The following CALN1 variants were observed in gnomAD, a reference collection of about 807,000 sequenced individuals.
CALN1 encodes the protein calcium-binding protein 8.
CALN1 carries 17 observed loss-of-function variants against 30.6 expected under a neutral mutation model. That is an observed-to-expected ratio of 0.56 (90% CI 0.38 to 0.83). CALN1 has a LOEUF of 0.83. CALN1 is among the 40% of genes least tolerant of loss of function. CALN1 has a pLI of 0.00. For missense variants in CALN1, 291 were observed against 354.9 expected (o/e 0.82, Z 1.45); for synonymous variants, 156 against 131.4 (o/e 1.19, Z -1.28).
chr7:72,140,928 C>G (rs983203516), intron 3 of CALN1, among the ~76,000 whole-genome samples: 6 of 152,216 alleles, frequency 3.9e-5, no homozygotes, highest in African/African-American at 1.4e-4. Flanking sequence ...TGGTTCCCCA[C>G]CTGGGAGGAG....
chr7:72,297,583 A>C (rs1445802537), intron 2 of CALN1, among the ~76,000 whole-genome samples: 2 of 152,226 alleles, frequency 1.3e-5, no homozygotes, highest in South Asian at 2.1e-4. Context: ...TATTATTCAC[A>C]CTTATTGAAA....
chr7:71,810,278 G>A (rs528793991), intron 6 of CALN1, 58 bp downstream of exon 6: 3 of 1,553,964 alleles, frequency 1.9e-6, no homozygotes, highest in African/African-American at 2.7e-5. Flanking sequence ...TTCATATAGA[G>A]AGTGTGGTGC....
chr7:72,251,249 C>A (rs1260974015), intron 3 of CALN1, among the ~76,000 whole-genome samples: 4 of 152,166 alleles, frequency 2.6e-5, no homozygotes, highest in Non-Finnish European at 5.9e-5. Flanking sequence ...CCAACACACA[C>A]TGAACTTCCA....
At chr7:72,403,038 C>T (rs1245139787) in intron 2 of CALN1, among the ~76,000 whole-genome samples, 2 of 152,154 alleles carry the variant, frequency 1.3e-5, no homozygotes, top group Non-Finnish European at 2.9e-5. Context: ...GCAAACCCAT[C>T]CCTTCATCCC....
At chr7:72,317,613 C>T (rs1426340784) in intron 2 of CALN1, among the ~76,000 whole-genome samples, 1 of 152,140 alleles carries the variant, frequency 6.6e-6, no homozygotes, top group African/African-American at 2.4e-5. Flanking sequence ...TGGGCTGCTG[C>T]CACTCAGAGA....
intron 2 of CALN1, among the ~76,000 whole-genome samples, chr7:72,336,116 G>C (rs879344067): frequency 6.6e-6 from 1 of 152,202 alleles, no homozygotes; most frequent in African/African-American, 2.4e-5. Context: ...TGGCGCCCCC[G>C]GACTCGGGGT....
At chr7:72,069,721 T>A (rs947871905) in intron 4 of CALN1, among the ~76,000 whole-genome samples, 1 of 152,160 alleles carries the variant, frequency 6.6e-6, no homozygotes, top group Non-Finnish European at 1.5e-5. Context: ...TAAGGTAACA[T>A]TTACAAGTTC....
chr7:71,972,164 T>C (rs1054488969), intron 5 of CALN1, among the ~76,000 whole-genome samples: 2 of 152,066 alleles, frequency 1.3e-5, no homozygotes, highest in Non-Finnish European at 2.9e-5. Flanking sequence ...GACCCTGATA[T>C]GTTTAAATTT....
chr7:72,110,844 T>C (rs373326247), intron 3 of CALN1, among the ~76,000 whole-genome samples: 59 of 152,178 alleles, frequency 3.9e-4, no homozygotes, highest in South Asian at 3.1e-3. Context: ...TTATTTTTAA[T>C]AGCAAAACAG....
chr7:71,930,134 A>G (rs776414824), intron 5 of CALN1, among the ~76,000 whole-genome samples: 13 of 152,186 alleles, frequency 8.5e-5, no homozygotes, highest in Non-Finnish European at 1.6e-4. Context: ...AAATCTGTAC[A>G]TGTTTTGGAC....
At chr7:71,888,784 C>T (rs1057115194) in intron 5 of CALN1, among the ~76,000 whole-genome samples, 27 of 151,902 alleles carry the variant, frequency 1.8e-4, no homozygotes, top group Admixed American at 1.4e-3. Context: ...CGTGATGGGG[C>T]CCATTCCTAG....
intron 1 of CALN1, among the ~76,000 whole-genome samples, chr7:72,428,006 C>T (rs1386445399): frequency 1.3e-5 from 2 of 152,178 alleles, no homozygotes; most frequent in African/African-American, 4.8e-5. Flanking sequence ...GGTGCTCCTG[C>T]CCCACCACGC....
At chr7:72,027,756 CACAA>C (rs1363483230) in intron 4 of CALN1, among the ~76,000 whole-genome samples, 4 of 139,040 alleles carry the variant, frequency 2.9e-5, no homozygotes, top group Admixed American at 2.1e-4. Flanking sequence ...CACACACACA[CACAA>C]AAACACATGA....
At chr7:72,332,960 G>T (rs774871095) in intron 2 of CALN1, among the ~76,000 whole-genome samples, 1 of 152,030 alleles carries the variant, frequency 6.6e-6, no homozygotes, top group Non-Finnish European at 1.5e-5. Flanking sequence ...CCATCCTAAC[G>T]GAGAAATGCT....
rs531468257 is a variant in CALN1, at chr7:71,884,587, G to A, written c.502-74095C>T. 1.4e-3 allele frequency among the ~76,000 whole-genome samples: 211 copies of A among 151,844 alleles called. 10 individuals are homozygous for A. In the South Asian group the frequency reaches 0.043, roughly 31 times the overall value. ...AGTCACCTTTTAAAAATAATACTGA[G>A]GACTAAACTCTGATTCTTTTAAATC... On this transcript the variant is annotated intron_variant, in intron 5 of 6. Coordinates refer to ENST00000395275, the MANE Select transcript of CALN1 (RefSeq NM_031468.4).
intron 3 of CALN1, among the ~76,000 whole-genome samples, chr7:72,247,396 C>A (rs1485537418): frequency 6.6e-6 from 1 of 151,096 alleles, no homozygotes; most frequent in Non-Finnish European, 1.5e-5. Flanking sequence ...TACAGGTGCC[C>A]GCCACCACGC....
intron 6 of CALN1, among the ~76,000 whole-genome samples, chr7:71,805,118 C>A (rs953302991): frequency 6.6e-6 from 1 of 152,182 alleles, no homozygotes; most frequent in African/African-American, 2.4e-5. Context: ...CTCCTGAGCT[C>A]CCAGCCCTCT....
intron 3 of CALN1, among the ~76,000 whole-genome samples, chr7:72,152,909 C>T (rs1234995556): frequency 1.3e-5 from 2 of 152,038 alleles, no homozygotes; most frequent in African/African-American, 4.8e-5. Context: ...ACTGTTTGTC[C>T]CCAGACTGTT....
At chr7:72,415,584 C>T (rs187331582), upstream of CALN1, among the ~76,000 whole-genome samples, 19 of 152,336 alleles carry the variant, frequency 1.2e-4, no homozygotes, top group Non-Finnish European at 1.6e-4. Flanking sequence ...AAAACCAACA[C>T]ACAAGTAACA....
Sources: gnomAD v4.1 joint callset for allele counts (sites outside exome capture counted in the v4.1 genomes callset) on GRCh38, gnomAD v4.1.1 for gene constraint, MANE v1.5 for transcripts, NCBI Gene and HGNC (gene_info 2026-07-23, HGNC 2026-07-21) for gene names.